NCAM1: variants seen among roughly 807,000 people sequenced by gnomAD.
NCAM1 encodes antigen recognized by monoclonal antibody 5.1H11.
Under a neutral mutation model 109.8 loss-of-function variants are expected in NCAM1, and 14 were observed. That is an observed-to-expected ratio of 0.13 (90% CI 0.08 to 0.20). The LOEUF (loss-of-function observed/expected upper bound fraction) is 0.20. Ranked by LOEUF, NCAM1 falls within the 10% of genes least tolerant of loss-of-function variation. The pLI is 1.00. For missense variants in NCAM1, 774 were observed against 1,109.9 expected (o/e 0.70, Z 4.30); for synonymous variants, 418 against 442.9 (o/e 0.94, Z 0.70).
In NCAM1 at chr11:113,188,239, G is replaced by A. The variant is rs949847762; in HGVS notation, c.53-14140G>A. On this transcript the variant is annotated intron_variant, in intron 1 of 19. Coordinates refer to ENST00000316851, the MANE Select transcript of NCAM1 (RefSeq NM_181351.5). Reference sequence around the variant, plus strand: ...GATCCCAGCCCTTGTGAAACCAGCAGCCCATTTTATCACCATCGTCTGTGG... The same window carrying A: ...GATCCCAGCCCTTGTGAAACCAGCAACCCATTTTATCACCATCGTCTGTGG... Among the ~76,000 whole-genome samples the A allele has an allele frequency of 3.3e-5, 5 of 152,288 alleles. No individual in the cohort carries two copies. The South Asian group carries it at 8.3e-4, about 25-fold the overall frequency.
chr11:113,219,163 A>C (rs1269400963), intron 8 of NCAM1, among the ~76,000 whole-genome samples: 12 of 152,248 alleles, frequency 7.9e-5, no homozygotes, highest in Admixed American at 7.9e-4. Flanking sequence ...AGAGATAGGA[A>C]AAATGAAAAG....
chr11:113,264,600 C>T (rs373825964), intron 17 of NCAM1: 365 of 985,368 alleles, frequency 3.7e-4, no homozygotes, highest in Middle Eastern at 5.2e-4. Context: ...AGAAGTCACA[C>T]GGCTTCATCC....
At chr11:113,096,469 C>T (rs1261419135) in intron 1 of NCAM1, among the ~76,000 whole-genome samples, 2 of 151,996 alleles carry the variant, frequency 1.3e-5, no homozygotes, top group Non-Finnish European at 2.9e-5. Flanking sequence ...TTGTGTGTTA[C>T]GTTCAGGTTA....
chr11:112,990,280 G>A (rs1355807867), intron 1 of NCAM1, among the ~76,000 whole-genome samples: 2 of 152,128 alleles, frequency 1.3e-5, no homozygotes, highest in Non-Finnish European at 2.9e-5. Flanking sequence ...GGGTCCTTGG[G>A]CAAACATTAC....
intron 17 of NCAM1, chr11:113,262,816 C>G: frequency 1.9e-6 from 3 of 1,611,976 alleles, no homozygotes; most frequent in Non-Finnish European, 2.5e-6. Flanking sequence ...ACCACATTAT[C>G]TCTGGGGACC....
At chr11:113,221,580 T>G in intron 9 of NCAM1, 1 of 418,420 alleles carries the variant, frequency 2.4e-6, no homozygotes, top group Non-Finnish European at 4.3e-6. Flanking sequence ...TAAAATCACA[T>G]CCAGGTAATT....
intron 9 of NCAM1, among the ~76,000 whole-genome samples, chr11:113,226,041 C>A (rs1300051626): frequency 6.6e-6 from 1 of 152,158 alleles, no homozygotes; most frequent in African/African-American, 2.4e-5. Flanking sequence ...GCAAAATAAC[C>A]AGCTAACATC....
chr11:112,964,140 G>GTTTT (rs1254307069), intron 1 of NCAM1, among the ~76,000 whole-genome samples: 132 of 72,648 alleles, frequency 1.8e-3, no homozygotes, highest in Non-Finnish European at 2.3e-3. Context: ...TTTTTTTTTT[G>GTTTT]TTTTTTTTTT....
chr11:113,198,636 C>T (rs1194724672), intron 1 of NCAM1, among the ~76,000 whole-genome samples: 4 of 152,076 alleles, frequency 2.6e-5, no homozygotes, highest in Non-Finnish European at 4.4e-5. Flanking sequence ...CCACTGCGCC[C>T]GGCTGATGTT....
intron 1 of NCAM1, among the ~76,000 whole-genome samples, chr11:113,045,066 T>C (rs928322632): frequency 2.0e-5 from 3 of 152,222 alleles, no homozygotes; most frequent in African/African-American, 7.2e-5. Context: ...TCGCTTTTAT[T>C]TCTAAGGCAT....
chr11:113,256,877 A>G (rs1945847954), intron 16 of NCAM1, among the ~76,000 whole-genome samples: 1 of 152,238 alleles, frequency 6.6e-6, no homozygotes, highest in Admixed American at 6.5e-5. Flanking sequence ...AAAAGAATGA[A>G]CCAGGGAGCA....
At chr11:113,132,429 T>C (rs561654119) in intron 1 of NCAM1, among the ~76,000 whole-genome samples, 1 of 151,836 alleles carries the variant, frequency 6.6e-6, no homozygotes, top group Admixed American at 6.6e-5. Context: ...CTCTAGATAA[T>C]GTGTGTTCCT....
At chr11:113,036,117 T>G (rs1952874065) in intron 1 of NCAM1, among the ~76,000 whole-genome samples, 1 of 151,966 alleles carries the variant, frequency 6.6e-6, no homozygotes, top group Admixed American at 6.6e-5. Flanking sequence ...CCCGGGCTCT[T>G]CCAAGCCATT....
chr11:112,984,995 C>T (rs1555069367), intron 1 of NCAM1, among the ~76,000 whole-genome samples: 2 of 151,590 alleles, frequency 1.3e-5, no homozygotes, highest in African/African-American at 4.8e-5. Flanking sequence ...GAGCTTTTCC[C>T]CTGTATTTCC....
At chr11:113,203,576 CCAGCTCAGTGCCGGGGG>C (rs1308097397) in intron 2 of NCAM1, among the ~76,000 whole-genome samples, 2 of 152,226 alleles carry the variant, frequency 1.3e-5, no homozygotes, top group Non-Finnish European at 2.9e-5. Context: ...GAGCCCTGTT[CCAGCTCAGTGCCGGGGG>C]CAGCTCAGCC....
intron 19 of NCAM1, chr11:113,272,834 C>T (rs1326757475): frequency 4.6e-6 from 2 of 435,250 alleles, no homozygotes; most frequent in South Asian, 3.4e-5. Flanking sequence ...CATGCCCCCA[C>T]CCCCATGGTC....
intron 1 of NCAM1, among the ~76,000 whole-genome samples, chr11:112,969,289 C>T (rs1354872219): frequency 6.6e-6 from 1 of 152,126 alleles, no homozygotes; most frequent in African/African-American, 2.4e-5. Context: ...GATTGTAAGT[C>T]TTTAAATGGA....
intron 1 of NCAM1, among the ~76,000 whole-genome samples, chr11:113,114,802 G>A (rs1940621524): frequency 6.6e-6 from 1 of 152,164 alleles, no homozygotes; most frequent in South Asian, 2.1e-4. Flanking sequence ...GCCCAAGGCT[G>A]GAGAATCAAC....
intron 11 of NCAM1, among the ~76,000 whole-genome samples, 181 bp from the exon 12 acceptor site, chr11:113,232,537 C>T (rs2241450): frequency 0.037 from 5,706 of 152,252 alleles, 221 homozygotes; most frequent in East Asian, 0.18. Context: ...AGTCCCCTCC[C>T]TGAATGTGCC....
Sources: allele counts gnomAD v4.1 joint callset (sites outside exome capture counted in the v4.1 genomes callset), GRCh38; gene constraint gnomAD v4.1.1; transcripts MANE v1.5; gene names NCBI Gene and HGNC (gene_info 2026-07-23, HGNC 2026-07-21).